ERCC3: variants seen among roughly 807,000 people sequenced by gnomAD.
The protein encoded by ERCC3 is general transcription and DNA repair factor IIH helicase/translocase subunit XPB.
Under a neutral mutation model 94.2 loss-of-function variants are expected in ERCC3, and 66 were observed. The ratio of observed to expected loss-of-function variants is 0.70; its 90% confidence interval spans 0.57 to 0.86. ERCC3 has a LOEUF of 0.86. ERCC3 is among the 40% of genes least tolerant of loss of function. The pLI is 0.00. For missense variants in ERCC3, 829 were observed against 987.1 expected (o/e 0.84, Z 2.15); for synonymous variants, 349 against 369.1 (o/e 0.95, Z 0.63).
chr2:127,291,165 G>A lies in ERCC3; in HGVS notation c.472-892C>T, dbSNP rs927086715. Among the ~76,000 whole-genome samples, 3 of 152,168 alleles carry A rather than the reference G, an allele frequency of 2.0e-5. No homozygotes were observed. Among genetic ancestry groups the A allele is most frequent in the Non-Finnish European group, 2.9e-5 (2 of 68,034 alleles). On this transcript the variant is annotated intron_variant, in intron 3 of 14. Transcript: ENST00000285398. The surrounding 1 kb of genome is among the most constrained non-coding windows in gnomAD (Gnocchi z 4.9). Reference sequence around the variant, plus strand: ...GTTGTCCCTGATCCACCACTACAGTGCACCAACACCTACATCCCTGCAGGC... The same window carrying A: ...GTTGTCCCTGATCCACCACTACAGTACACCAACACCTACATCCCTGCAGGC...
At chr2:127,272,811 C>T (rs1684603220) in intron 11 of ERCC3, 54 bp downstream of exon 11, 6 of 1,073,056 alleles carry the variant, frequency 5.6e-6, no homozygotes, top group Non-Finnish European at 8.7e-6. Flanking sequence ...TAGTGTACCC[C>T]CCAGGTCCCC....
chr2:127,285,019 T>C (rs1311051761), intron 8 of ERCC3, among the ~76,000 whole-genome samples: 1 of 152,152 alleles, frequency 6.6e-6, no homozygotes, highest in East Asian at 1.9e-4. Flanking sequence ...CCTTAATCTG[T>C]TTTTATCAAA....
chr2:127,286,340 G>A (rs982638112), intron 8 of ERCC3, among the ~76,000 whole-genome samples: 1 of 152,120 alleles, frequency 6.6e-6, no homozygotes, highest in African/African-American at 2.4e-5. Context: ...CACGAGGTCA[G>A]GAGTTCAAGA....
chr2:127,293,998 G>A lies in ERCC3; in HGVS notation c.28+56C>T, dbSNP rs115962647. 3,651 of 1,591,534 alleles carry A rather than the reference G, an allele frequency of 2.3e-3. 71 individuals are homozygous for A. The African/African-American group carries it at 0.044, about 19-fold the overall frequency. On this transcript the variant is annotated intron_variant, in intron 1 of 14. Coordinates refer to ENST00000285398, the MANE Select transcript of ERCC3 (RefSeq NM_000122.2). ...GCCCGGAGCAGCTCCGAGGCAGAGC[G>A]GGGGGCAGGGCCGGCAAGGGCAGTC...
chr2:127,262,612 A>G (rs1042781356), intron 12 of ERCC3: 2 of 152,266 alleles, frequency 1.3e-5, no homozygotes, highest in Non-Finnish European at 2.9e-5. Flanking sequence ...ATCAAAGTAG[A>G]TTAGGGGCTG....
At position 127,259,864 on chromosome 2, in the gene ERCC3, C is replaced by T. The variant is rs551991347; in HGVS notation, c.2065-416G>A. 6.8e-5 allele frequency: 19 copies of T among 280,156 alleles called. No homozygotes were observed. Among genetic ancestry groups the T allele is most frequent in the Admixed American group, 6.3e-4 (13 of 20,728 alleles). The allele number at this position is 280,156 out of a possible 1,614,324, so 17.4% of individuals were successfully genotyped here. A position where few individuals can be genotyped will look rare whatever the true frequency, so the allele number is the denominator to read the frequency against. ...AAGGTCCCTGGCATCTGCTGTGCTC[C>T]GCAACTGGGGCTTCCAGCAGGAATG... is the stretch of plus-strand genomic sequence containing the variant. On this transcript the variant is annotated intron_variant, in intron 13 of 14. Transcript: ENST00000285398. This position sits in a 1 kb window ranked among gnomAD's most constrained non-coding sequence, Gnocchi z 4.9.
chr2:127,280,892 A>G lies in ERCC3; in HGVS notation c.1343-261T>C. On this transcript the variant is annotated intron_variant, in intron 8 of 14. Transcript: ENST00000285398. This position sits in a 1 kb window ranked among gnomAD's most constrained non-coding sequence, Gnocchi z 6.3. ...AACACTGGCTTATGACACCACCTGA[A>G]CTAACCCTTGGGTTTCAGGACCACA... is the stretch of plus-strand genomic sequence containing the variant. The G allele has an allele frequency of 1.9e-6, 1 of 530,192 alleles. No individual in the cohort carries two copies. Among genetic ancestry groups the G allele is most frequent in the Non-Finnish European group, 3.3e-6 (1 of 302,510 alleles). The allele number at this position is 530,192 out of a possible 1,614,324, so 32.8% of individuals were successfully genotyped here.
In ERCC3 at chr2:127,271,361, T is replaced by C. The variant is rs369447216; in HGVS notation, c.1920A>G (p.Leu640=). ...CTTTTTTAGCTCGAAGCACCCGCCCTAGCCTTTGGGCTTCCTGACGCCTGG... is the reference window on the plus strand; with the variant it reads ...CTTTTTTAGCTCGAAGCACCCGCCCCAGCCTTTGGGCTTCCTGACGCCTGG... ...GGSRRQEAQR[L]GRVLRAKKGM... The change falls in exon 12 of 15, where the codon CTA becomes CTG. Residue 640 remains leucine (L), a synonymous_variant. Coordinates refer to ENST00000285398, the MANE Select transcript of ERCC3 (RefSeq NM_000122.2). This position sits in a 1 kb window ranked among gnomAD's most constrained non-coding sequence, Gnocchi z 5.0. 1.5e-5 allele frequency: 25 copies of C among 1,613,810 alleles called. No homozygotes were observed. The African/African-American group carries it at 3.2e-4, about 21-fold the overall frequency.
At chr2:127,261,879 G>C (rs4150512) in intron 12 of ERCC3, 1 of 179,050 alleles carries the variant, frequency 5.6e-6, no homozygotes, top group East Asian at 1.5e-4. Flanking sequence ...CATTGCTGTT[G>C]AGAATGTAAA....
intron 10 of ERCC3, among the ~76,000 whole-genome samples, chr2:127,276,229 C>T (rs1055713292): frequency 6.6e-6 from 1 of 152,146 alleles, no homozygotes; most frequent in Non-Finnish European, 1.5e-5. Context: ...CCTAGAGATA[C>T]TGGCATTTGG....
At chr2:127,266,331 G>GCCTT (rs1684361480) in intron 12 of ERCC3, among the ~76,000 whole-genome samples, 1 of 109,958 alleles carries the variant, frequency 9.1e-6, no homozygotes, top group African/African-American at 3.8e-5. Context: ...AATTTATTGA[G>GCCTT]TCTTTTTTTT....
Position 127,271,714 on chromosome 2 carries a change from GGGTGCCA to G in ERCC3, c.1828-268_1828-262del, listed in dbSNP as rs1294332098. The stretch of plus-strand genomic sequence containing the variant: ...CCAGGCATCAGTGACATTCAGTGCT[GGGTGCCA>G]GGAGCCCAGAGATGAGAGGGCCCTT... On this transcript the variant is annotated intron_variant, in intron 11 of 14. Transcript: ENST00000285398. The surrounding 1 kb of genome is among the most constrained non-coding windows in gnomAD (Gnocchi z 5.0). 1.3e-4 allele frequency among the ~76,000 whole-genome samples: 20 copies of G among 152,242 alleles called. No individual in the cohort carries two copies. In the East Asian group the frequency reaches 3.9e-3, roughly 29 times the overall value.
chr2:127,293,543 C>T lies in ERCC3; in HGVS notation c.204G>A (p.Lys68=), dbSNP rs761340631. The change falls in exon 2 of 15, where the codon AAG becomes AAA. Residue 68 remains lysine (K), a synonymous_variant. Coordinates refer to ENST00000285398, the MANE Select transcript of ERCC3 (RefSeq NM_000122.2). ...AKDYRLQMPL[K]DDHTSRPLWV... Reference sequence around the variant, plus strand: ...AGAGGGGCCTGGAGGTGTGGTCGTCCTTCAGCGGCATTTGCAGCCTGTAGT... The same window carrying T: ...AGAGGGGCCTGGAGGTGTGGTCGTCTTTCAGCGGCATTTGCAGCCTGTAGT... The T allele has an allele frequency of 1.2e-6, 2 of 1,614,188 alleles. No individual in the cohort carries two copies. The highest frequency in any genetic ancestry group is 1.1e-5 in the South Asian group (1 of 91,080).
Position 127,279,453 on chromosome 2 carries a change from T to C in ERCC3, c.1528-78A>G, listed in dbSNP as rs1039817605. The C allele has an allele frequency of 5.4e-6, 6 of 1,106,314 alleles. No individual in the cohort carries two copies. In the African/African-American group the frequency reaches 6.2e-5, roughly 11 times the overall value. 68.5% of individuals were successfully genotyped at this position (1,106,314 alleles called of 1,614,324 possible). ...TTTAAAACTTTTGAAGACCTTTCTC[T>C]AGCAGAATTAGCTTTAAAACAAAAC... On this transcript the variant is annotated intron_variant, in intron 9 of 14. Transcript: ENST00000285398. This position sits in a 1 kb window ranked among gnomAD's most constrained non-coding sequence, Gnocchi z 4.7.
chr2:127,288,558 A>C, intron 7 of ERCC3, 102 bp downstream of exon 7: 1 of 1,044,114 alleles, frequency 9.6e-7, no homozygotes, highest in East Asian at 2.4e-5. Context: ...TTGGCTTTTC[A>C]GCAAGGTGTG....
intron 10 of ERCC3, among the ~76,000 whole-genome samples, chr2:127,276,562 C>T (rs1018465748): frequency 2.0e-5 from 3 of 151,390 alleles, no homozygotes; most frequent in South Asian, 2.1e-4. Flanking sequence ...AGTCTCAATA[C>T]AAGGGTTAGA....
At position 127,259,167 on chromosome 2, in the gene ERCC3, C is replaced by T. The variant is rs1321040838; in HGVS notation, c.2217+129G>A. 8 of 1,034,848 alleles carry T rather than the reference C, an allele frequency of 7.7e-6. No individual in the cohort carries two copies. The highest frequency in any genetic ancestry group is 5.8e-5 in the Admixed American group (3 of 51,306). The allele number at this position is 1,034,848 out of a possible 1,614,324, so 64.1% of individuals were successfully genotyped here. A position where few individuals can be genotyped will look rare whatever the true frequency, so the allele number is the denominator to read the frequency against. On this transcript the variant is annotated intron_variant, in intron 14 of 14. Transcript: ENST00000285398. The surrounding 1 kb of genome is among the most constrained non-coding windows in gnomAD (Gnocchi z 4.9). ...AAGGATTGTTTCTGTTCATCTCTTCCGTGTTTTCCAACATTTCCAAAAAAA... is the reference window on the plus strand; with the variant it reads ...AAGGATTGTTTCTGTTCATCTCTTCTGTGTTTTCCAACATTTCCAAAAAAA...
rs535986392 is a variant in ERCC3 at position 127,264,887 on chromosome 2, A to G, written c.1946-3541T>C. ...TTTGGAGGCGGAGTCTCACTCTGTC[A>G]CCCAGGCTGGAGTGCAGTGGCACGA... On this transcript the variant is annotated intron_variant, in intron 12 of 14. Coordinates refer to ENST00000285398, the MANE Select transcript of ERCC3 (RefSeq NM_000122.2). The surrounding 1 kb of genome is among the most constrained non-coding windows in gnomAD (Gnocchi z 4.4). Among the ~76,000 whole-genome samples the G allele has an allele frequency of 6.8e-5, 10 of 146,896 alleles. No individual in the cohort carries two copies. The highest frequency in any genetic ancestry group is 1.3e-4 in the Non-Finnish European group (9 of 67,256).
At chr2:127,263,667 AG>A (rs1308206284) in intron 12 of ERCC3, among the ~76,000 whole-genome samples, 9 of 150,022 alleles carry the variant, frequency 6.0e-5, no homozygotes, top group Non-Finnish European at 1.2e-4. Context: ...TATGTGGAAT[AG>A]GTGTGGTGAG....
Sources: gnomAD v4.1 joint callset for allele counts (sites outside exome capture counted in the v4.1 genomes callset) on GRCh38, gnomAD v4.1.1 for gene constraint, Gnocchi (gnomAD v3.1) non-coding constraint, MANE v1.5 for transcripts, NCBI Gene and HGNC (gene_info 2026-07-23, HGNC 2026-07-21) for gene names.